Variants in FGF1 observed in about 807,000 individuals in gnomAD.
FGF1 encodes the protein fibroblast growth factor 1.
FGF1 carries 9 observed loss-of-function variants against 13.4 expected under a neutral mutation model. That is an observed-to-expected ratio of 0.67 (90% confidence interval 0.40 to 1.17). FGF1 has a LOEUF of 1.17. Among genes scored for constraint, FGF1 ranks in the 50% most tolerant of loss-of-function variants. The pLI, the probability that FGF1 is intolerant of heterozygous loss-of-function variation, is 0.01. For missense variants in FGF1, 156 were observed against 192.7 expected, an observed-to-expected ratio of 0.81 and a Z score of 1.13; for synonymous variants, 93 against 79.0, an observed-to-expected ratio of 1.18 and a Z score of -0.94.
At chr5:142,619,993 T>G (rs947374190) in intron 1 of FGF1, among the ~76,000 whole-genome samples, 1 of 151,806 alleles carries the variant, frequency 6.6e-6, no homozygotes, top group Non-Finnish European at 1.5e-5. Flanking sequence ...ATGTGCTAAA[T>G]TTACTAGCTA....
At chr5:142,682,647 G>A (rs1239595337) in intron 1 of FGF1, among the ~76,000 whole-genome samples, 6 of 152,076 alleles carry the variant, frequency 3.9e-5, no homozygotes, top group Admixed American at 2.0e-4. Flanking sequence ...GCTCCCTCTC[G>A]TAAGTAGTAT....
chr5:142,684,178 C>T (rs1291093348), intron 1 of FGF1, among the ~76,000 whole-genome samples: 1 of 152,202 alleles, frequency 6.6e-6, no homozygotes, highest in Non-Finnish European at 1.5e-5. Context: ...TCACAGAATG[C>T]ATGTCACCTA....
At chr5:142,649,707 G>A (rs1056151353) in intron 1 of FGF1, among the ~76,000 whole-genome samples, 6 of 151,994 alleles carry the variant, frequency 3.9e-5, no homozygotes, top group African/African-American at 9.7e-5. Context: ...ACGCCCGGCC[G>A]GACATTTTGT....
At chr5:142,666,949 GAAGA>G (rs1485662324) in intron 1 of FGF1, among the ~76,000 whole-genome samples, 3 of 149,272 alleles carry the variant, frequency 2.0e-5, no homozygotes, top group Non-Finnish European at 3.0e-5. Context: ...AAACAAAAAT[GAAGA>G]AAGAAAGAGA....
intron 1 of FGF1, among the ~76,000 whole-genome samples, chr5:142,676,919 AAACAACAAC>A (rs58320203): frequency 1.6e-4 from 25 of 151,634 alleles, no homozygotes; most frequent in Non-Finnish European, 2.8e-4. Flanking sequence ...ACAAAAAACA[AAACAACAAC>A]AACAACAACA....
intron 2 of FGF1, among the ~76,000 whole-genome samples, chr5:142,601,887 G>C (rs1366919223): frequency 1.3e-5 from 2 of 152,162 alleles, no homozygotes; most frequent in Non-Finnish European, 2.9e-5. Flanking sequence ...TTCACCCTAG[G>C]GTGCCCTCTT....
At chr5:142,601,160 C>T (rs1005809601) in intron 2 of FGF1, 1 of 508,090 alleles carries the variant, frequency 2.0e-6, no homozygotes, top group East Asian at 5.6e-5. Flanking sequence ...GCACTCACTC[C>T]CCCGGGCTCC....
intron 1 of FGF1, among the ~76,000 whole-genome samples, chr5:142,625,552 G>A (rs34023): frequency 0.084 from 12,799 of 152,156 alleles, 832 homozygotes; most frequent in East Asian, 0.28. Flanking sequence ...GTGCTCTGCC[G>A]GCCCCCATTC....
intron 3 of FGF1, among the ~76,000 whole-genome samples, chr5:142,598,990 T>C (rs2299019): frequency 0.11 from 16,111 of 152,200 alleles, 1,777 homozygotes; most frequent in African/African-American, 0.27. Context: ...AGCTGATGAC[T>C]TGTCTTACAG....
At chr5:142,650,201 A>G (rs1389333911) in intron 1 of FGF1, among the ~76,000 whole-genome samples, 20 of 152,196 alleles carry the variant, frequency 1.3e-4, no homozygotes, top group Admixed American at 1.2e-3. Context: ...GGAGGGATGG[A>G]GATGACATTG....
In FGF1 at chr5:142,594,433, CCTT is replaced by C. The variant is rs1421606190; in HGVS notation, c.*854_*856del. On this transcript the variant is annotated 3_prime_UTR_variant, in exon 4 of 4. Transcript: ENST00000337706. ...GTGGCATTACTTTCTTTTTCCTTCT[CCTT>C]CTGAAATCATCCTCTTTTTATGGTA... 3 of 152,460 alleles carry C rather than the reference CCTT, an allele frequency of 2.0e-5. No homozygotes were observed. The East Asian group carries it at 5.8e-4, about 29-fold the overall frequency. 9.4% of individuals were successfully genotyped at this position (152,460 alleles called of 1,614,324 possible).
chr5:142,692,689 A>T (rs1416021763), intron 2 of FGF1, among the ~76,000 whole-genome samples: 2 of 150,958 alleles, frequency 1.3e-5, no homozygotes, highest in African/African-American at 2.5e-5. Flanking sequence ...ACACACGCAC[A>T]CACACACACA....
intron 3 of FGF1, 94 bp downstream of exon 3, chr5:142,600,608 T>A: frequency 1.2e-6 from 1 of 831,906 alleles, no homozygotes; most frequent in East Asian, 2.4e-5. Context: ...CAGAGACTAA[T>A]TGTTGCTTTA....
intron 1 of FGF1, among the ~76,000 whole-genome samples, chr5:142,646,657 A>G (rs184864442): frequency 6.7e-6 from 1 of 148,792 alleles, no homozygotes; most frequent in Non-Finnish European, 1.5e-5. Flanking sequence ...GGCCCCGGCT[A>G]ATTTTTTATA....
At chr5:142,651,891 C>G (rs1198768884) in intron 1 of FGF1, among the ~76,000 whole-genome samples, 14 of 151,222 alleles carry the variant, frequency 9.3e-5, no homozygotes, top group Admixed American at 9.2e-4. Flanking sequence ...TCTTTCCAGC[C>G]TCAAATTTCT....
intron 1 of FGF1, among the ~76,000 whole-genome samples, chr5:142,682,130 G>T (rs1240753655): frequency 6.6e-6 from 1 of 150,564 alleles, no homozygotes; most frequent in Non-Finnish European, 1.5e-5. Flanking sequence ...TTGTCACCCA[G>T]GCTGGAGCGC....
chr5:142,625,315 C>G (rs1762279620), intron 1 of FGF1, among the ~76,000 whole-genome samples: 1 of 970 alleles, frequency 1.0e-3, no homozygotes, highest in South Asian at 0.083. Context: ...TACAAGCGGA[C>G]ACACACACAC....
At chr5:142,617,217 T>G (rs570370429) in intron 1 of FGF1, among the ~76,000 whole-genome samples, 2 of 152,136 alleles carry the variant, frequency 1.3e-5, no homozygotes, top group South Asian at 4.2e-4. Flanking sequence ...ATACAAAAAT[T>G]AGCCAGGTCT....
chr5:142,600,880 T>C lies in FGF1; in HGVS notation c.170-75A>G, dbSNP rs537281701. On this transcript the variant is annotated intron_variant, in intron 2 of 3. Transcript: ENST00000337706. Reference sequence around the variant, plus strand: ...CGATAGGACCCGGCAGCCAGGACAGTTGGCCATGGAAAATTCTGCTCATTC... The same window carrying C: ...CGATAGGACCCGGCAGCCAGGACAGCTGGCCATGGAAAATTCTGCTCATTC... 3.2e-5 allele frequency: 34 copies of C among 1,067,728 alleles called. No homozygotes were observed. In the African/African-American group the frequency reaches 5.0e-4, roughly 16 times the overall value. 66.1% of individuals were successfully genotyped at this position (1,067,728 alleles called of 1,614,324 possible).
Sources: allele counts gnomAD v4.1 joint callset (sites outside exome capture counted in the v4.1 genomes callset), GRCh38; gene constraint gnomAD v4.1.1; transcripts MANE v1.5; gene names NCBI Gene and HGNC (gene_info 2026-07-23, HGNC 2026-07-21).